Variants in CDK19 observed in about 807,000 individuals in gnomAD.
CDK19 encodes the protein cyclin-dependent kinase 19.
In CDK19, 20 loss-of-function variants were observed where a neutral mutation model predicts 68.3. The observed-to-expected ratio is 0.29, with a 90% CI of 0.21 to 0.43. The LOEUF is 0.43. CDK19 is among the 20% of genes least tolerant of loss of function. CDK19 has a pLI of 1.00. For synonymous variants in CDK19, 221 were observed against 222.8 expected (o/e 0.99, Z 0.07); for missense variants, 339 against 623.5 (o/e 0.54, Z 4.86).
In CDK19 at chr6:110,815,281, G is replaced by T; in HGVS notation, c.-145C>A. On this transcript the variant is annotated 5_prime_UTR_variant, in exon 1 of 13. Coordinates refer to ENST00000368911, the MANE Select transcript of CDK19 (RefSeq NM_015076.5). ...CGCCGCCCGCCGCCCGCCGCTCCGC[G>T]GTCCGCCTTCAGCAAGGGACTCCTC... The T allele has an allele frequency of 1.1e-6, 1 of 952,192 alleles. No individual in the cohort carries two copies. The highest frequency in any genetic ancestry group is 1.4e-6 in the Non-Finnish European group (1 of 711,348). 59.0% of individuals were successfully genotyped at this position (952,192 alleles called of 1,614,324 possible).
chr6:110,678,381 G>A (rs1771708766), intron 2 of CDK19, among the ~76,000 whole-genome samples: 3 of 152,128 alleles, frequency 2.0e-5, no homozygotes, highest in Middle Eastern at 3.4e-3. Context: ...CTGAGGTTGC[G>A]CTCTCTACCT....
intron 2 of CDK19, among the ~76,000 whole-genome samples, chr6:110,680,492 C>G (rs891238703): frequency 6.6e-6 from 1 of 152,064 alleles, no homozygotes; most frequent in Admixed American, 6.6e-5. Context: ...TATTCACTAC[C>G]TCTGTTTACT....
rs530127535 is a variant in CDK19, at chr6:110,804,571, G to A, written c.128+10438C>T. Among the ~76,000 whole-genome samples, 820 of 151,186 alleles carry A rather than the reference G, an allele frequency of 5.4e-3. 7 individuals are homozygous for A. Among genetic ancestry groups the A allele is most frequent in the African/African-American group, 0.019 (798 of 41,272 alleles). On this transcript the variant is annotated intron_variant, in intron 1 of 12. Coordinates refer to ENST00000368911, the MANE Select transcript of CDK19 (RefSeq NM_015076.5). ...TCACCATATTGGCCAGGCTGGTCTC[G>A]AACTGACCTCGTGATCCGCCCACCT... is the stretch of plus-strand genomic sequence containing the variant.
intron 1 of CDK19, among the ~76,000 whole-genome samples, chr6:110,775,266 A>G (rs1289125394): frequency 6.6e-6 from 1 of 152,186 alleles, no homozygotes; most frequent in Non-Finnish European, 1.5e-5. Context: ...AAAAGAAAAA[A>G]TAAAAGAAAT....
At chr6:110,670,832 T>A in intron 2 of CDK19, 2 of 490,618 alleles carry the variant, frequency 4.1e-6, no homozygotes, top group South Asian at 3.3e-5. Context: ...AAAATAGGAT[T>A]TTAAATGGTA....
rs1299934797 is a variant in CDK19 at position 110,614,500 on chromosome 6, T to TCTGGG, written c.*30_*34dup. ...GCAGACATATTGCTGGAGCCTGTGC[T>TCTGGG]CTGGGCTGGGCTGGCCTGGCCCAAC... On this transcript the variant is annotated 3_prime_UTR_variant, in exon 13 of 13. Coordinates refer to ENST00000368911, the MANE Select transcript of CDK19 (RefSeq NM_015076.5). 6.2e-7 allele frequency: 1 copy of TCTGGG among 1,603,440 alleles called. No individual in the cohort carries two copies.
chr6:110,682,116 T>A (rs1014567762), intron 2 of CDK19, among the ~76,000 whole-genome samples: 1 of 152,236 alleles, frequency 6.6e-6, no homozygotes, highest in Admixed American at 6.5e-5. Context: ...GACTCCTTTT[T>A]CAAGGGCATT....
At chr6:110,797,318 C>A (rs1220781199) in intron 1 of CDK19, among the ~76,000 whole-genome samples, 1 of 151,262 alleles carries the variant, frequency 6.6e-6, no homozygotes, top group Non-Finnish European at 1.5e-5. Context: ...CCAGCCTAGG[C>A]GACAGAGGGA....
intron 1 of CDK19, chr6:110,814,659 T>C (rs952966585): frequency 4.0e-6 from 2 of 505,012 alleles, no homozygotes; most frequent in East Asian, 5.5e-5. Flanking sequence ...AGCGGAGCTC[T>C]GCCTGCCCGC....
At chr6:110,713,166 C>T (rs1775078885) in intron 2 of CDK19, among the ~76,000 whole-genome samples, 1 of 145,370 alleles carries the variant, frequency 6.9e-6, no homozygotes, top group African/African-American at 2.6e-5. Flanking sequence ...CACTGCACTC[C>T]AGCCTGATGA....
chr6:110,675,356 A>G (rs1245088046), intron 2 of CDK19, among the ~76,000 whole-genome samples: 1 of 152,126 alleles, frequency 6.6e-6, no homozygotes, highest in Non-Finnish European at 1.5e-5. Flanking sequence ...GGCCGGGTAC[A>G]GTGGCTCACG....
intron 1 of CDK19, among the ~76,000 whole-genome samples, chr6:110,790,790 A>G (rs1781537450): frequency 6.6e-6 from 1 of 152,216 alleles, no homozygotes; most frequent in Non-Finnish European, 1.5e-5. Flanking sequence ...GCTATTTATA[A>G]TAATAAAAAG....
intron 2 of CDK19, among the ~76,000 whole-genome samples, chr6:110,717,118 ACT>A (rs772199447): frequency 1.3e-4 from 20 of 152,018 alleles, no homozygotes; most frequent in Non-Finnish European, 2.5e-4. Context: ...ACAGAGCAAG[ACT>A]CTCTCTCAAA....
chr6:110,718,320 C>T (rs1370207209), intron 2 of CDK19, among the ~76,000 whole-genome samples: 8 of 152,064 alleles, frequency 5.3e-5, no homozygotes, highest in East Asian at 1.9e-4. Context: ...AAACAGATGA[C>T]GACGCCTTAG....
At chr6:110,791,333 A>C (rs1218978280) in intron 1 of CDK19, among the ~76,000 whole-genome samples, 2 of 152,138 alleles carry the variant, frequency 1.3e-5, no homozygotes. Context: ...GTCAGAAAGC[A>C]GATTTTTACC....
chr6:110,746,368 G>A (rs1239806302), intron 1 of CDK19, among the ~76,000 whole-genome samples, 167 bp from the exon 2 acceptor site: 1 of 152,090 alleles, frequency 6.6e-6, no homozygotes, highest in Admixed American at 6.6e-5. Flanking sequence ...ACAGAAATAT[G>A]AGATACCAAA....
chr6:110,743,905 C>G (rs967917513), intron 2 of CDK19, among the ~76,000 whole-genome samples: 1 of 151,694 alleles, frequency 6.6e-6, no homozygotes, highest in Non-Finnish European at 1.5e-5. Context: ...AAATAGCCCA[C>G]CAATAATATT....
At chr6:110,741,264 T>C (rs1338964098) in intron 2 of CDK19, among the ~76,000 whole-genome samples, 1 of 151,752 alleles carries the variant, frequency 6.6e-6, no homozygotes, top group African/African-American at 2.4e-5. Flanking sequence ...GAGATCAGCC[T>C]GGACAACATA....
intron 2 of CDK19, among the ~76,000 whole-genome samples, chr6:110,721,724 T>G (rs1024833835): frequency 6.6e-6 from 1 of 152,052 alleles, no homozygotes; most frequent in Non-Finnish European, 1.5e-5. Context: ...CCAGCACTTT[T>G]GGAGGCCGAG....
Sources: gnomAD v4.1 joint callset for allele counts (sites outside exome capture counted in the v4.1 genomes callset) on GRCh38, gnomAD v4.1.1 for gene constraint, MANE v1.5 for transcripts, NCBI Gene and HGNC (gene_info 2026-07-23, HGNC 2026-07-21) for gene names.